Variants in COL4A3 observed in about 807,000 individuals in gnomAD.
COL4A3 encodes the protein collagen alpha-3(IV) chain.
A neutral mutation model predicts 217.4 loss-of-function variants in COL4A3; 135 were observed. The observed-to-expected ratio is 0.62, with a 90% CI of 0.54 to 0.72. COL4A3 has a LOEUF of 0.72. COL4A3 is among the 30% of genes least tolerant of loss of function. COL4A3 has a pLI of 0.00. For synonymous variants in COL4A3, 690 were observed against 736.3 expected (o/e 0.94, Z 1.02); for missense variants, 1,868 against 2,119.9 (o/e 0.88, Z 2.33).
chr2:227,313,112 A>T lies in COL4A3; in HGVS notation c.*1242A>T, dbSNP rs957842915. 6 of 152,588 alleles carry T rather than the reference A, an allele frequency of 3.9e-5. No individual in the cohort carries two copies. Among genetic ancestry groups the T allele is most frequent in the African/African-American group, 1.2e-4 (5 of 41,450 alleles). The allele number at this position is 152,588 out of a possible 1,614,324, so 9.5% of individuals were successfully genotyped here. ...CTTAATTCAACTTAACTATCATCTT[A>T]TTCAGCACCAAGCATGTCCCAGGCA... On this transcript the variant is annotated 3_prime_UTR_variant, in exon 52 of 52. Transcript: ENST00000396578.
chr2:227,186,087 G>T (rs777288972), intron 1 of COL4A3, among the ~76,000 whole-genome samples: 4 of 152,168 alleles, frequency 2.6e-5, no homozygotes, highest in Non-Finnish European at 4.4e-5. Context: ...TAGAATAGCT[G>T]GTTGTGTGTT....
At position 227,253,283 on chromosome 2, in the gene COL4A3, T is replaced by C. The variant is rs1427852662; in HGVS notation, c.646-13T>C. On this transcript the variant is annotated splice_polypyrimidine_tract_variant and intron_variant, in intron 11 of 51. Coordinates refer to ENST00000396578, the MANE Select transcript of COL4A3 (RefSeq NM_000091.5). The surrounding 1 kb of genome is among the most constrained non-coding windows in gnomAD (Gnocchi z 4.4). The stretch of plus-strand genomic sequence containing the variant: ...ATTTTTAGAAAATAATTTGGTTTTG[T>C]GTTTTCTTACAGGGTCACATGGGTG... 6.2e-7 allele frequency: 1 copy of C among 1,612,766 alleles called. No individual in the cohort carries two copies.
intron 37 of COL4A3, among the ~76,000 whole-genome samples, chr2:227,291,700 T>C (rs1317107832): frequency 6.6e-6 from 1 of 152,214 alleles, no homozygotes; most frequent in African/African-American, 2.4e-5. Flanking sequence ...TACATTTATC[T>C]TTCTTGTTTT....
intron 16 of COL4A3, 128 bp from the exon 17 acceptor site, chr2:227,256,215 T>C (rs1242126229): frequency 2.7e-6 from 3 of 1,124,942 alleles, no homozygotes; most frequent in East Asian, 2.4e-5. Context: ...TAGTTTTACA[T>C]CCCCACTGTG....
At chr2:227,232,893 A>G (rs1341854097) in intron 1 of COL4A3, among the ~76,000 whole-genome samples, 2 of 152,266 alleles carry the variant, frequency 1.3e-5, no homozygotes, top group African/African-American at 2.4e-5. Flanking sequence ...GAGAAAAACT[A>G]TTCAATTACA....
intron 1 of COL4A3, among the ~76,000 whole-genome samples, chr2:227,226,051 T>C (rs745362068): frequency 6.6e-6 from 1 of 152,172 alleles, no homozygotes. Context: ...ACTTGCTTTA[T>C]GGTATCTTAA....
Position 227,284,328 on chromosome 2 carries a change from G to A in COL4A3, c.2864G>A (p.Gly955Glu), listed in dbSNP as rs2106175500. Reference sequence around the variant, plus strand: ...ATATCCCACGTAATAGGGGACAAAGGAGAACCAGGTCTCAAAGGTAAAGAA... The same window carrying A: ...ATATCCCACGTAATAGGGGACAAAGAAGAACCAGGTCTCAAAGGTAAAGAA... ...SEISHVIGDK[G>E]EPGLKGFAGN... Residue 955 changes from glycine to glutamate, a missense_variant, in exon 34 of 52, where the codon GGA becomes GAA. Around this residue, in one of 2 missense-constraint regions of COL4A3, gnomAD observed 1,503 missense variants for 1,786.1 expected, o/e 0.84. Coordinates refer to ENST00000396578, the MANE Select transcript of COL4A3 (RefSeq NM_000091.5). 1 of 1,613,906 alleles carries A rather than the reference G, an allele frequency of 6.2e-7. No individual in the cohort carries two copies. The highest frequency in any genetic ancestry group is 1.1e-5 in the South Asian group (1 of 90,980).
At chr2:227,207,633 G>A (rs575245781) in intron 1 of COL4A3, among the ~76,000 whole-genome samples, 5 of 152,314 alleles carry the variant, frequency 3.3e-5, no homozygotes, top group South Asian at 2.1e-4. Flanking sequence ...CTAGTTAGGG[G>A]TTCACATACG....
rs2125972720 is a variant in COL4A3, at chr2:227,263,874, G to A, written c.1245G>A (p.Gly415=). The change falls in exon 21 of 52, where the codon GGG becomes GGA. Residue 415 remains glycine, a synonymous_variant. Coordinates refer to ENST00000396578, the MANE Select transcript of COL4A3 (RefSeq NM_000091.5). ...GCCGCCCAGGAAAGGATGCCATGGG[G>A]ACTCCTGGGTCCCCAGGTTGTGCTG... ...ERGRPGKDAM[G]TPGSPGCAGS... 6.2e-7 allele frequency: 1 copy of A among 1,614,190 alleles called. No individual in the cohort carries two copies. Among genetic ancestry groups the A allele is most frequent in the Non-Finnish European group, 8.5e-7 (1 of 1,180,020 alleles).
In COL4A3 at chr2:227,253,004, A is replaced by G. The variant is rs1311390136; in HGVS notation, c.646-292A>G. Among the ~76,000 whole-genome samples, 1 of 152,170 alleles carries G rather than the reference A, an allele frequency of 6.6e-6. No individual in the cohort carries two copies. The highest frequency in any genetic ancestry group is 1.5e-5 in the Non-Finnish European group (1 of 68,042). Reference sequence around the variant, plus strand: ...CGGCCAGTGGGATTAAAACTAGCTAATGCAGAGCCAGAAAAATATGCTCTG... The same window carrying G: ...CGGCCAGTGGGATTAAAACTAGCTAGTGCAGAGCCAGAAAAATATGCTCTG... On this transcript the variant is annotated intron_variant, in intron 11 of 51. Coordinates refer to ENST00000396578, the MANE Select transcript of COL4A3 (RefSeq NM_000091.5). The surrounding 1 kb of genome is among the most constrained non-coding windows in gnomAD (Gnocchi z 4.4).
intron 43 of COL4A3, among the ~76,000 whole-genome samples, chr2:227,299,133 C>G (rs953747334): frequency 6.6e-6 from 1 of 152,202 alleles, no homozygotes; most frequent in Non-Finnish European, 1.5e-5. Context: ...TGGTGGCTCA[C>G]GCCTGTAATC....
At chr2:227,169,048 A>G (rs1377419189) in intron 1 of COL4A3, among the ~76,000 whole-genome samples, 1 of 27,380 alleles carries the variant, frequency 3.7e-5, no homozygotes, top group African/African-American at 1.4e-4. Flanking sequence ...GCCTCCCCCC[A>G]CCCCACAACA....
At chr2:227,210,023 A>G (rs1004454085) in intron 1 of COL4A3, among the ~76,000 whole-genome samples, 9 of 152,192 alleles carry the variant, frequency 5.9e-5, no homozygotes, top group Non-Finnish European at 1.3e-4. Context: ...AATACAACAC[A>G]CTTATAAGAT....
intron 15 of COL4A3, among the ~76,000 whole-genome samples, chr2:227,255,713 G>GT (rs937026578): frequency 1.2e-4 from 18 of 150,220 alleles, no homozygotes; most frequent in African/African-American, 2.2e-4. Context: ...GTGTGTGTGT[G>GT]TTTTTTTTTT....
rs72371878 is a variant in COL4A3 at position 227,282,275 on chromosome 2, AATATATATATAT to A, written c.2489-75_2489-64del. 2.8e-6 allele frequency: 1 copy of A among 352,980 alleles called. No homozygotes were observed. The allele number at this position is 352,980 out of a possible 1,614,324, so 21.9% of individuals were successfully genotyped here. The stretch of plus-strand genomic sequence containing the variant: ...AGACAGAGGGAGATTCCATCTTAAA[AATATATATATAT>A]ATATATATATATATTTCTGAAGTTA... On this transcript the variant is annotated intron_variant, in intron 31 of 51. Coordinates refer to ENST00000396578, the MANE Select transcript of COL4A3 (RefSeq NM_000091.5). The surrounding 1 kb of genome is among the most constrained non-coding windows in gnomAD (Gnocchi z 4.4).
At chr2:227,288,340 GC>G (rs2072468987) in intron 34 of COL4A3, among the ~76,000 whole-genome samples, 1 of 152,012 alleles carries the variant, frequency 6.6e-6, no homozygotes, top group Admixed American at 6.5e-5. Context: ...CAAATGTTCT[GC>G]CCACCTCAGC....
At chr2:227,267,130 G>A in intron 23 of COL4A3, 42 bp downstream of exon 23, 2 of 1,380,052 alleles carry the variant, frequency 1.4e-6, no homozygotes, top group South Asian at 2.3e-5. Flanking sequence ...AAGCACAAAA[G>A]GGTCAATACA....
intron 1 of COL4A3, among the ~76,000 whole-genome samples, chr2:227,223,011 T>C (rs567468498): frequency 2.1e-4 from 32 of 152,348 alleles, no homozygotes; most frequent in Non-Finnish European, 3.5e-4. Flanking sequence ...ATCTCAACTA[T>C]CCTATATTTT....
chr2:227,312,057 C>G lies in COL4A3; in HGVS notation c.*187C>G. The G allele has an allele frequency of 9.7e-7, 1 of 1,030,536 alleles. No homozygotes were observed. Among genetic ancestry groups the G allele is most frequent in the Non-Finnish European group, 1.4e-6 (1 of 714,856 alleles). 63.8% of individuals were successfully genotyped at this position (1,030,536 alleles called of 1,614,324 possible). A position where few individuals can be genotyped will look rare whatever the true frequency, so the allele number is the denominator to read the frequency against. On this transcript the variant is annotated 3_prime_UTR_variant, in exon 52 of 52. Coordinates refer to ENST00000396578, the MANE Select transcript of COL4A3 (RefSeq NM_000091.5). ...CAAGTCAGTTCTGTGATCTGGGTCT[C>G]TAATCTGTGCTGTTTCAAAGTTCTC...
Sources: allele counts gnomAD v4.1 joint callset (sites outside exome capture counted in the v4.1 genomes callset), GRCh38; gene constraint gnomAD v4.1.1; regional missense constraint gnomAD v4.1.1; non-coding constraint Gnocchi (gnomAD v3.1); transcripts MANE v1.5; gene names NCBI Gene and HGNC (gene_info 2026-07-23, HGNC 2026-07-21).